PRUNE2: variants seen among roughly 807,000 people sequenced by gnomAD.
PRUNE2 encodes the protein protein prune homolog 2.
Under a neutral mutation model 252.0 loss-of-function variants are expected in PRUNE2, and 164 were observed. The ratio of observed to expected loss-of-function variants is 0.65; its 90% confidence interval spans 0.57 to 0.74. PRUNE2 has a LOEUF of 0.74. Among genes scored for constraint, PRUNE2 ranks in the 30% least tolerant of loss-of-function variants. PRUNE2 has a pLI of 0.00. For synonymous variants in PRUNE2, 1,292 were observed against 1,350.2 expected, an observed-to-expected ratio of 0.96 and a Z score of 0.94; for missense variants, 3,495 against 3,711.0, an observed-to-expected ratio of 0.94 and a Z score of 1.51.
intron 6 of PRUNE2, among the ~76,000 whole-genome samples, chr9:76,797,314 A>C (rs2056183902): frequency 6.6e-6 from 1 of 152,198 alleles, no homozygotes. Context: ...GAAAAGGGAT[A>C]TACCAAATTG....
rs1400212038 is a variant in PRUNE2 at position 76,638,172 on chromosome 9, T to TA, written c.8831+13dup. ...GACATTAACTCAAAGCACTTTGTCA[T>TA]AAGTATCACTCACAGGAAAAGATTT... On this transcript the variant is annotated intron_variant, in intron 13 of 18. Transcript: ENST00000376718. 1 of 1,559,298 alleles carries TA rather than the reference T, an allele frequency of 6.4e-7. No homozygotes were observed. Among genetic ancestry groups the TA allele is most frequent in the African/African-American group, 1.4e-5 (1 of 73,874 alleles).
intron 4 of PRUNE2, among the ~76,000 whole-genome samples, chr9:76,843,092 T>C (rs956769681): frequency 1.3e-5 from 2 of 152,082 alleles, no homozygotes; most frequent in African/African-American, 2.4e-5. Flanking sequence ...AATGATAGAC[T>C]GGATAAAGAA....
intron 6 of PRUNE2, among the ~76,000 whole-genome samples, chr9:76,729,124 A>G (rs992026670): frequency 6.6e-6 from 1 of 152,194 alleles, no homozygotes; most frequent in East Asian, 1.9e-4. Flanking sequence ...TGATTAAAAG[A>G]ACTCTCAGGT....
chr9:76,870,113 C>T (rs936226461), intron 1 of PRUNE2, among the ~76,000 whole-genome samples: 2 of 152,076 alleles, frequency 1.3e-5, no homozygotes, highest in Non-Finnish European at 2.9e-5. Context: ...AATACATATC[C>T]AGAGATTAAC....
chr9:76,692,345 G>A, intron 9 of PRUNE2: 1 of 519,188 alleles, frequency 1.9e-6, no homozygotes, highest in South Asian at 2.7e-5. Flanking sequence ...AGTCAAAAAT[G>A]CTCTTTAATT....
At chr9:76,765,964 C>T (rs1250908196) in intron 6 of PRUNE2, among the ~76,000 whole-genome samples, 1 of 152,002 alleles carries the variant, frequency 6.6e-6, no homozygotes, top group African/African-American at 2.4e-5. Flanking sequence ...AGGCTGATCA[C>T]GAGGTCAAGA....
chr9:76,830,307 G>A (rs1242245076), intron 4 of PRUNE2, among the ~76,000 whole-genome samples: 1 of 152,044 alleles, frequency 6.6e-6, no homozygotes, highest in African/African-American at 2.4e-5. Flanking sequence ...AAAGGCAATT[G>A]GTATACTAAT....
At chr9:76,787,104 T>C (rs1482252499) in intron 6 of PRUNE2, 8 of 152,244 alleles carry the variant, frequency 5.3e-5, no homozygotes, top group Non-Finnish European at 7.3e-5. Flanking sequence ...TCACATGTTT[T>C]ATCTGCCCTA....
At chr9:76,870,602 C>T (rs187189821) in intron 1 of PRUNE2, among the ~76,000 whole-genome samples, 97 of 151,048 alleles carry the variant, frequency 6.4e-4, no homozygotes, top group African/African-American at 2.2e-3. Flanking sequence ...AGGAGAATGG[C>T]GTGAACCCGG....
intron 6 of PRUNE2, among the ~76,000 whole-genome samples, chr9:76,743,109 A>G (rs1265257335): frequency 2.0e-5 from 3 of 152,170 alleles, no homozygotes; most frequent in Non-Finnish European, 2.9e-5. Flanking sequence ...TCCTGCTGCC[A>G]TGTGAAGAAG....
chr9:76,708,457 T>C lies in PRUNE2; in HGVS notation c.3817A>G (p.Thr1273Ala), dbSNP rs1276973475. 6 of 1,613,938 alleles carry C rather than the reference T, an allele frequency of 3.7e-6. No individual in the cohort carries two copies. The highest frequency in any genetic ancestry group is 5.1e-6 in the Non-Finnish European group (6 of 1,179,866). The change falls in exon 8 of 19, where the codon ACC (threonine) becomes GCC (alanine). Residue 1273 changes from threonine to alanine, a missense_variant. Thr to Ala is a moderately conservative substitution (Grantham distance 58, BLOSUM62 0). Coordinates refer to ENST00000376718, the MANE Select transcript of PRUNE2 (RefSeq NM_015225.3). ...GATATAAGTGCCTCTGATTCACTGG[T>C]TCCAGAGGCTGCTGGCGCATCTGGG... ...HSPDAPAASG[T>A]SESEALISHL... is the part of the protein sequence containing the mutation.
At chr9:76,791,070 G>GTTGAGGGAT (rs972832131) in intron 6 of PRUNE2, among the ~76,000 whole-genome samples, 6 of 152,222 alleles carry the variant, frequency 3.9e-5, no homozygotes, top group African/African-American at 1.4e-4. Context: ...ACTGCCAGAG[G>GTTGAGGGAT]TTGAGGGATT....
At chr9:76,871,664 T>C (rs1394545198) in intron 1 of PRUNE2, among the ~76,000 whole-genome samples, 1 of 152,238 alleles carries the variant, frequency 6.6e-6, no homozygotes, top group African/African-American at 2.4e-5. Flanking sequence ...AGTCTCACTC[T>C]GTTACCTAGG....
intron 18 of PRUNE2, among the ~76,000 whole-genome samples, chr9:76,617,029 T>C (rs566662224): frequency 2.4e-4 from 36 of 152,200 alleles, no homozygotes; most frequent in South Asian, 1.7e-3. Flanking sequence ...AAGAATACTT[T>C]TAATTAGAAT....
intron 5 of PRUNE2, 101 bp from the exon 6 acceptor site, chr9:76,823,827 C>A (rs918092750): frequency 1.0e-5 from 7 of 699,418 alleles, no homozygotes; most frequent in African/African-American, 3.6e-5. Flanking sequence ...AAATTTCATT[C>A]TTTGCCCCTC....
chr9:76,905,820 T>A (rs1315061946), intron 1 of PRUNE2, 108 bp downstream of exon 1: 1 of 1,434,950 alleles, frequency 7.0e-7, no homozygotes, highest in East Asian at 2.3e-5. Context: ...CCCTGATAAC[T>A]CCGTGGCAAA....
At chr9:76,889,689 C>A (rs573909268) in intron 1 of PRUNE2, among the ~76,000 whole-genome samples, 2 of 152,316 alleles carry the variant, frequency 1.3e-5, no homozygotes, top group Admixed American at 1.3e-4. Flanking sequence ...CGCGGCACAT[C>A]AGGCGTCTCA....
rs536651647 is a variant in PRUNE2 at position 76,779,556 on chromosome 9, T to G, written c.756+44076A>C. The G allele has an allele frequency of 1.7e-4, 26 of 152,354 alleles. No homozygotes were observed. The South Asian group carries it at 5.4e-3, about 32-fold the overall frequency. The allele number at this position is 152,354 out of a possible 1,614,324, so 9.4% of individuals were successfully genotyped here. A position where few individuals can be genotyped will look rare whatever the true frequency, so the allele number is the denominator to read the frequency against. On this transcript the variant is annotated intron_variant, in intron 6 of 18. Coordinates refer to ENST00000376718, the MANE Select transcript of PRUNE2 (RefSeq NM_015225.3). ...TTTTAGAATCTCATATTTATTCCTGTGGAAGGACAGCATTGTGGCTTGGAC... is the reference window on the plus strand; with the variant it reads ...TTTTAGAATCTCATATTTATTCCTGGGGAAGGACAGCATTGTGGCTTGGAC...
At chr9:76,657,009 G>T (rs755244685) in intron 9 of PRUNE2, among the ~76,000 whole-genome samples, 1 of 152,180 alleles carries the variant, frequency 6.6e-6, no homozygotes, top group African/African-American at 2.4e-5. Flanking sequence ...ATCAAACCAC[G>T]TTATTCAGCA....
Sources: gnomAD v4.1 joint callset for allele counts (sites outside exome capture counted in the v4.1 genomes callset) on GRCh38, gnomAD v4.1.1 for gene constraint, MANE v1.5 for transcripts, NCBI Gene and HGNC (gene_info 2026-07-23, HGNC 2026-07-21) for gene names.